The following CLSTN2 variants were observed in gnomAD, a reference collection of about 807,000 sequenced individuals.
The protein encoded by CLSTN2 is calsyntenin 2.
Under a neutral mutation model 101.2 loss-of-function variants are expected in CLSTN2, and 48 were observed. That is an observed-to-expected ratio of 0.47 (90% CI 0.38 to 0.60). The LOEUF (loss-of-function observed/expected upper bound fraction) is 0.60. CLSTN2 is among the 20% of genes least tolerant of loss of function. The probability of loss-of-function intolerance (pLI) is 0.00; values close to 1 mark genes in which losing one functional copy is unlikely to be tolerated. For synonymous variants in CLSTN2, 481 were observed against 463.6 expected, an observed-to-expected ratio of 1.04 and a Z score of -0.48; for missense variants, 1,160 against 1,238.2, an observed-to-expected ratio of 0.94 and a Z score of 0.95.
At chr3:140,111,244 T>A (rs1336747481) in intron 1 of CLSTN2, among the ~76,000 whole-genome samples, 1 of 152,124 alleles carries the variant, frequency 6.6e-6, no homozygotes, top group Admixed American at 6.6e-5. Context: ...TCTCGCTCCA[T>A]GCCTCCATTC....
In CLSTN2 at chr3:140,242,699, G is replaced by A. The variant is rs1652259244; in HGVS notation, c.232+66626G>A. On this transcript the variant is annotated intron_variant, in intron 2 of 16. Transcript: ENST00000458420. ...GCTCATGGGATTCTGCGCTTTATGA[G>A]AGGACATGATTCCCATTCCCCAGGA... Among the ~76,000 whole-genome samples the A allele has an allele frequency of 2.0e-5, 3 of 152,208 alleles. No individual in the cohort carries two copies. The South Asian group carries it at 6.2e-4, about 32-fold the overall frequency.
chr3:140,334,070 A>G (rs1205149893), intron 2 of CLSTN2, among the ~76,000 whole-genome samples: 1 of 152,204 alleles, frequency 6.6e-6, no homozygotes, highest in Non-Finnish European at 1.5e-5. Flanking sequence ...TTAGCCTTCC[A>G]TGCGACCTTG....
chr3:140,015,096 G>A (rs1372068096), intron 1 of CLSTN2, among the ~76,000 whole-genome samples: 2 of 152,186 alleles, frequency 1.3e-5, no homozygotes, highest in Admixed American at 1.3e-4. Flanking sequence ...TCCCATAGGG[G>A]TGGTTTGGAG....
Position 140,335,639 on chromosome 3 carries a change from C to G in CLSTN2, c.233-67990C>G, listed in dbSNP as rs1269492408. Among the ~76,000 whole-genome samples, 7 of 152,306 alleles carry G rather than the reference C, an allele frequency of 4.6e-5. 1 individual carries two copies. Among genetic ancestry groups the G allele is most frequent in the Admixed American group, 4.6e-4 (7 of 15,298 alleles). On this transcript the variant is annotated intron_variant, in intron 2 of 16. Transcript: ENST00000458420. ...TTGAAGACAGAAGTCAGATTTCAAG[C>G]CTTGGAGACTACATTTCTCACTGAT...
chr3:140,303,304 A>G (rs16850130), intron 2 of CLSTN2, among the ~76,000 whole-genome samples: 25,586 of 152,166 alleles, frequency 0.17, 2,505 homozygotes, highest in East Asian at 0.37. Context: ...GACATGCATC[A>G]TCTTTTTCTC....
intron 7 of CLSTN2, among the ~76,000 whole-genome samples, chr3:140,463,525 C>T (rs886074747): frequency 6.6e-6 from 1 of 152,228 alleles, no homozygotes; most frequent in Admixed American, 6.5e-5. Flanking sequence ...GAGAACCTTA[C>T]TTTTGCTGCC....
intron 2 of CLSTN2, among the ~76,000 whole-genome samples, chr3:140,322,010 C>T (rs922745964): frequency 6.6e-6 from 1 of 152,212 alleles, no homozygotes; most frequent in African/African-American, 2.4e-5. Context: ...CTCTCTACCA[C>T]CCTCTGTAGC....
At chr3:140,461,913 A>G (rs1265239945) in intron 7 of CLSTN2, among the ~76,000 whole-genome samples, 1 of 151,916 alleles carries the variant, frequency 6.6e-6, no homozygotes, top group Non-Finnish European at 1.5e-5. Flanking sequence ...AGCAAGAAAA[A>G]AATCTATAAA....
Position 140,466,602 on chromosome 3 carries a change from C to A in CLSTN2, c.1223-8C>A, listed in dbSNP as rs914511611. 2 of 1,613,990 alleles carry A rather than the reference C, an allele frequency of 1.2e-6. No individual in the cohort carries two copies. The highest frequency in any genetic ancestry group is 1.6e-4 in the Middle Eastern group (1 of 6,074). Reference sequence around the variant, plus strand: ...TCTCACTCTTCAAACCTTCTTTCTGCTTTTCAGAAATGAACCGGCATCACT... The same window carrying A: ...TCTCACTCTTCAAACCTTCTTTCTGATTTTCAGAAATGAACCGGCATCACT... On this transcript the variant is annotated splice_polypyrimidine_tract_variant and splice_region_variant and intron_variant, in intron 7 of 16. Coordinates refer to ENST00000458420, the MANE Select transcript of CLSTN2 (RefSeq NM_022131.3).
chr3:140,208,974 A>C (rs1437370500), intron 2 of CLSTN2, among the ~76,000 whole-genome samples: 1 of 152,218 alleles, frequency 6.6e-6, no homozygotes, highest in Non-Finnish European at 1.5e-5. Flanking sequence ...GAAAAGATAC[A>C]GTGTATATAG....
At chr3:140,266,100 A>G (rs1481570416) in intron 2 of CLSTN2, among the ~76,000 whole-genome samples, 1 of 152,102 alleles carries the variant, frequency 6.6e-6, no homozygotes, top group Non-Finnish European at 1.5e-5. Flanking sequence ...GAGGTGCTGG[A>G]TTGCTGAGGG....
chr3:140,406,483 G>T (rs2088303119), intron 4 of CLSTN2, among the ~76,000 whole-genome samples: 1 of 152,188 alleles, frequency 6.6e-6, no homozygotes, highest in South Asian at 2.1e-4. Flanking sequence ...AGCAAGTAAA[G>T]GAGGAAATAT....
intron 1 of CLSTN2, among the ~76,000 whole-genome samples, chr3:139,996,148 A>C (rs542747216): frequency 2.6e-5 from 4 of 152,318 alleles, no homozygotes; most frequent in African/African-American, 9.6e-5. Context: ...AATCATACAT[A>C]ATACCTTTAC....
chr3:140,271,821 G>C (rs115481975), intron 2 of CLSTN2, among the ~76,000 whole-genome samples: 3 of 152,232 alleles, frequency 2.0e-5, no homozygotes, highest in African/African-American at 7.2e-5. Flanking sequence ...AGGAAAGCTC[G>C]TGAAAGTCAC....
intron 8 of CLSTN2, among the ~76,000 whole-genome samples, chr3:140,485,359 G>A (rs965815278): frequency 3.3e-5 from 5 of 152,158 alleles, no homozygotes; most frequent in African/African-American, 1.2e-4. Context: ...GGTGTCAGTC[G>A]GCCCCTACTA....
intron 2 of CLSTN2, among the ~76,000 whole-genome samples, chr3:140,233,740 T>C (rs2086391331): frequency 6.6e-6 from 1 of 152,192 alleles, no homozygotes; most frequent in South Asian, 2.1e-4. Flanking sequence ...CACTGAAATA[T>C]CCTGCATCCA....
At chr3:140,238,499 G>A (rs1202035052) in intron 2 of CLSTN2, among the ~76,000 whole-genome samples, 1 of 152,112 alleles carries the variant, frequency 6.6e-6, no homozygotes, top group Non-Finnish European at 1.5e-5. Context: ...TAATAAGTCT[G>A]AACCCTATCC....
At chr3:140,021,378 G>C (rs774330767) in intron 1 of CLSTN2, among the ~76,000 whole-genome samples, 6 of 152,234 alleles carry the variant, frequency 3.9e-5, no homozygotes, top group Non-Finnish European at 8.8e-5. Context: ...ACTGAAAGCA[G>C]AGCAGGACTG....
chr3:140,190,202 C>T (rs2010539960), intron 2 of CLSTN2, among the ~76,000 whole-genome samples: 1 of 152,146 alleles, frequency 6.6e-6, no homozygotes, highest in South Asian at 2.1e-4. Context: ...TGGGAGGACA[C>T]ACACATTCAG....
Sources: gnomAD v4.1 joint callset for allele counts (sites outside exome capture counted in the v4.1 genomes callset) on GRCh38, gnomAD v4.1.1 for gene constraint, MANE v1.5 for transcripts, NCBI Gene and HGNC (gene_info 2026-07-23, HGNC 2026-07-21) for gene names.